Variants in LY96 observed in about 807,000 individuals in gnomAD.
LY96 encodes myeloid differentiation protein-2.
A neutral mutation model predicts 18.9 loss-of-function variants in LY96; 18 were observed. The ratio of observed to expected loss-of-function variants is 0.95; its 90% CI spans 0.66 to 1.41. LY96 has a LOEUF of 1.41. LY96 is among the 40% of genes most tolerant of loss of function. The probability of loss-of-function intolerance (pLI) is 0.00; values close to 1 mark genes in which losing one functional copy is unlikely to be tolerated. For missense variants in LY96, 175 were observed against 182.4 expected (o/e 0.96, Z 0.23); for synonymous variants, 66 against 62.6 (o/e 1.06, Z -0.26).
chr8:74,029,459 T>C (rs527704322), downstream of LY96, among the ~76,000 whole-genome samples: 17 of 152,290 alleles, frequency 1.1e-4, no homozygotes, highest in Middle Eastern at 3.4e-3. Context: ...GTTACCTCCA[T>C]GCTGTTCTCA....
chr8:74,054,612 TTTTCCTTCTTTC>T, the LY96 span, among the ~76,000 whole-genome samples: 135 of 69,758 alleles, frequency 1.9e-3, no homozygotes, highest in Middle Eastern at 9.3e-3. Flanking sequence ...TCTTGTTTCC[TTTTCCTTCTTTC>T]TTTCTTTCTT....
At chr8:74,057,919 C>CATCT in the LY96 span, among the ~76,000 whole-genome samples, 1 of 152,188 alleles carries the variant, frequency 6.6e-6, no homozygotes, top group Non-Finnish European at 1.5e-5. Flanking sequence ...GGGCAGTGAA[C>CATCT]ATCTGTGGAG....
At chr8:74,096,367 A>G in the LY96 span, among the ~76,000 whole-genome samples, 1 of 152,094 alleles carries the variant, frequency 6.6e-6, no homozygotes, top group African/African-American at 2.4e-5. Flanking sequence ...TTCAGACACC[A>G]TGGCCTCTTT....
At chr8:74,034,333 C>T in the LY96 span, among the ~76,000 whole-genome samples, 3 of 151,904 alleles carry the variant, frequency 2.0e-5, no homozygotes, top group Non-Finnish European at 2.9e-5. Context: ...GAACATGCCA[C>T]TGCACTCCAG....
At chr8:74,003,098 T>C (rs1263927127) in intron 1 of LY96, among the ~76,000 whole-genome samples, 2 of 151,880 alleles carry the variant, frequency 1.3e-5, no homozygotes, top group Admixed American at 1.3e-4. Flanking sequence ...TTCATTTTCC[T>C]TGTCTCTCTG....
At chr8:73,991,680 C>T (rs11465999) in intron 1 of LY96, 126 bp downstream of exon 1, 151 of 668,146 alleles carry the variant, frequency 2.3e-4, no homozygotes, top group East Asian at 4.4e-4. Flanking sequence ...CTGTGGCGGA[C>T]GCTGCCAGCA....
At chr8:74,013,764 G>C (rs1477725212) in intron 3 of LY96, among the ~76,000 whole-genome samples, 1 of 152,120 alleles carries the variant, frequency 6.6e-6, no homozygotes, top group African/African-American at 2.4e-5. Flanking sequence ...GAAAGAGTAT[G>C]GTTTATTTGG....
At chr8:74,007,990 C>A (rs943757669) in intron 2 of LY96, among the ~76,000 whole-genome samples, 1 of 152,176 alleles carries the variant, frequency 6.6e-6, no homozygotes, top group Non-Finnish European at 1.5e-5. Context: ...GAACTCCTGA[C>A]CTCAGGAGAT....
intron 3 of LY96, among the ~76,000 whole-genome samples, chr8:74,017,790 C>G (rs866929823): frequency 2.6e-5 from 4 of 152,050 alleles, no homozygotes; most frequent in African/African-American, 9.7e-5. Flanking sequence ...AATTTCATAC[C>G]CAGCCAAACT....
chr8:74,073,456 G>C, the LY96 span, among the ~76,000 whole-genome samples: 1 of 152,168 alleles, frequency 6.6e-6, no homozygotes, highest in African/African-American at 2.4e-5. Flanking sequence ...GCACAGGTGA[G>C]TAAACTGAAA....
chr8:74,033,121 C>T (rs1816997742), downstream of LY96, among the ~76,000 whole-genome samples: 2 of 151,992 alleles, frequency 1.3e-5, no homozygotes, highest in African/African-American at 4.8e-5. Context: ...ATTTGAGCAG[C>T]CTTATCAAGT....
At chr8:74,097,391 T>G in the LY96 span, among the ~76,000 whole-genome samples, 1 of 152,100 alleles carries the variant, frequency 6.6e-6, no homozygotes, top group African/African-American at 2.4e-5. Context: ...GTAGTGTTAT[T>G]TTGGAGAATA....
intron 3 of LY96, 126 bp from the exon 4 acceptor site, chr8:74,026,663 A>G: frequency 4.5e-6 from 3 of 670,940 alleles, no homozygotes; most frequent in Non-Finnish European, 8.4e-6. Context: ...TAAAAGATTC[A>G]TTATTTTTCT....
chr8:74,064,391 C>T, the LY96 span, among the ~76,000 whole-genome samples: 1 of 152,288 alleles, frequency 6.6e-6, no homozygotes, highest in East Asian at 1.9e-4. Flanking sequence ...GAGGCGGATT[C>T]CTCATAAATG....
chr8:74,060,895 C>T, the LY96 span, among the ~76,000 whole-genome samples: 1 of 152,180 alleles, frequency 6.6e-6, no homozygotes. Flanking sequence ...TCCGGTTTTG[C>T]CGTAGCAGGT....
the LY96 span, among the ~76,000 whole-genome samples, chr8:74,085,125 G>T: frequency 6.6e-6 from 1 of 152,128 alleles, no homozygotes; most frequent in South Asian, 2.1e-4. Flanking sequence ...TGCCAGCTGC[G>T]GCAGTAAATG....
Position 74,024,817 on chromosome 8 carries a change from T to G in LY96, c.332-1972T>G, listed in dbSNP as rs1730407916. Among the ~76,000 whole-genome samples, 5 of 152,150 alleles carry G rather than the reference T, an allele frequency of 3.3e-5. No individual in the cohort carries two copies. In the South Asian group the frequency reaches 1.0e-3, roughly 32 times the overall value. Reference sequence around the variant, plus strand: ...GTCTTTTTTTGGTTTTTAAAAATTTTAATTTTATTTTAATTTAATGTATTT... The same window carrying G: ...GTCTTTTTTTGGTTTTTAAAAATTTGAATTTTATTTTAATTTAATGTATTT... On this transcript the variant is annotated intron_variant, in intron 3 of 4. Coordinates refer to ENST00000284818, the MANE Select transcript of LY96 (RefSeq NM_015364.5).
chr8:73,995,668 T>C (rs774608554), intron 1 of LY96, among the ~76,000 whole-genome samples: 3 of 152,172 alleles, frequency 2.0e-5, no homozygotes, highest in Non-Finnish European at 4.4e-5. Flanking sequence ...AGTTGGTTCC[T>C]AGGATCTTAG....
Position 74,010,040 on chromosome 8 carries a change from C to T in LY96, c.242C>T (p.Thr81Ile). 1 of 1,607,334 alleles carries T rather than the reference C, an allele frequency of 6.2e-7. No homozygotes were observed. Among genetic ancestry groups the T allele is most frequent in the South Asian group, 1.1e-5 (1 of 90,958 alleles). Reference sequence around the variant, plus strand: ...CAATTATATTTCAATCTCTATATAACTGTCAACACCATGAATCTTCCAAAG... The same window carrying T: ...CAATTATATTTCAATCTCTATATAATTGTCAACACCATGAATCTTCCAAAG... ...LKQLYFNLYI[T>I]VNTMNLPKRK... Residue 81 changes from threonine to isoleucine, a missense_variant, in exon 3 of 5, where the codon ACT (threonine) becomes ATT (isoleucine). Thr to Ile is a moderately conservative substitution (Grantham distance 89). Transcript: ENST00000284818.
Sources: gnomAD v4.1 joint callset for allele counts (sites outside exome capture counted in the v4.1 genomes callset) on GRCh38, gnomAD v4.1.1 for gene constraint, MANE v1.5 for transcripts, NCBI Gene and HGNC (gene_info 2026-07-23, HGNC 2026-07-21) for gene names.